The following KLHL14 variants were observed in gnomAD, a reference collection of about 807,000 sequenced individuals.
KLHL14 encodes kelch-like protein 14.
In KLHL14, 22 loss-of-function variants were observed where a neutral mutation model predicts 64.3. The observed-to-expected ratio is 0.34, with a 90% CI of 0.24 to 0.49. KLHL14 has a LOEUF of 0.49. KLHL14 is among the 20% of genes least tolerant of loss of function. The probability of loss-of-function intolerance (pLI) is 0.99; values close to 1 mark genes in which losing one functional copy is unlikely to be tolerated. For synonymous variants in KLHL14, 322 were observed against 333.4 expected (o/e 0.97, Z 0.37); for missense variants, 661 against 789.0 (o/e 0.84, Z 1.94).
rs374076353 is a variant in KLHL14 at position 32,769,938 on chromosome 18, G to C, written c.654C>G (p.Phe218Leu). 2 of 1,614,046 alleles carry C rather than the reference G, an allele frequency of 1.2e-6. No homozygotes were observed. The highest frequency in any genetic ancestry group is 2.7e-5 in the African/African-American group (2 of 74,926). ...YLVEDVLLLN[F>L]EEMRALLDSL... Reference sequence around the variant, plus strand: ...AGTCCAGCAGGGCGCGCATCTCCTCGAAGTTGAGCAGCAGCACATCCTCCA... The same window carrying C: ...AGTCCAGCAGGGCGCGCATCTCCTCCAAGTTGAGCAGCAGCACATCCTCCA... The change falls in exon 2 of 9, where the codon TTC (phenylalanine) becomes TTG (leucine). Residue 218 changes from phenylalanine (F) to leucine (L), a missense_variant. Phe to Leu is a conservative substitution (Grantham distance 22). This residue lies in a region of KLHL14 where 331 missense variants were observed against 339.0 expected (regional missense o/e 0.98). Transcript: ENST00000359358.
At chr18:32,763,807 A>G (rs549613582) in intron 2 of KLHL14, among the ~76,000 whole-genome samples, 1 of 152,338 alleles carries the variant, frequency 6.6e-6, no homozygotes, top group South Asian at 2.1e-4. Context: ...ATAGCAATTT[A>G]CAACGAACTC....
At chr18:32,716,420 CTT>C (rs60090148) in intron 3 of KLHL14, among the ~76,000 whole-genome samples, 1 of 147,382 alleles carries the variant, frequency 6.8e-6, no homozygotes. Context: ...GCTTGCTTGA[CTT>C]TTTTTTTTTG....
At chr18:32,731,548 C>T (rs998439827) in intron 3 of KLHL14, among the ~76,000 whole-genome samples, 2 of 152,004 alleles carry the variant, frequency 1.3e-5, no homozygotes, top group South Asian at 2.1e-4. Flanking sequence ...GAGCTTAATA[C>T]CTGAGTGATG....
chr18:32,725,741 T>G (rs2050104882), intron 3 of KLHL14, among the ~76,000 whole-genome samples: 2 of 152,232 alleles, frequency 1.3e-5, no homozygotes, highest in African/African-American at 4.8e-5. Context: ...AGCATCTGCC[T>G]CTCAAGTTAA....
intron 5 of KLHL14, among the ~76,000 whole-genome samples, chr18:32,684,893 A>G (rs1024058145): frequency 6.6e-6 from 1 of 152,096 alleles, no homozygotes; most frequent in Non-Finnish European, 1.5e-5. Flanking sequence ...GAAAAATTTC[A>G]TTTTAAGTTA....
intron 3 of KLHL14, among the ~76,000 whole-genome samples, chr18:32,739,510 T>C (rs2050184043): frequency 6.6e-6 from 1 of 152,082 alleles, no homozygotes; most frequent in Non-Finnish European, 1.5e-5. Flanking sequence ...ATAAACTATA[T>C]ATTTTTAAGT....
At chr18:32,739,394 A>G (rs1362929391) in intron 3 of KLHL14, among the ~76,000 whole-genome samples, 1 of 152,044 alleles carries the variant, frequency 6.6e-6, no homozygotes, top group Non-Finnish European at 1.5e-5. Flanking sequence ...TCTTAACAAA[A>G]AAAAAAAACC....
chr18:32,721,915 G>A (rs556668582), intron 3 of KLHL14, among the ~76,000 whole-genome samples: 22 of 152,202 alleles, frequency 1.4e-4, no homozygotes, highest in South Asian at 4.2e-4. Flanking sequence ...TTGGCTCAGC[G>A]TCTCCACCCA....
At chr18:32,689,340 C>T (rs927271802) in intron 4 of KLHL14, among the ~76,000 whole-genome samples, 1 of 151,994 alleles carries the variant, frequency 6.6e-6, no homozygotes, top group African/African-American at 2.4e-5. Flanking sequence ...AGAAGCAAAA[C>T]CAACATAGGA....
intron 1 of KLHL14, among the ~76,000 whole-genome samples, chr18:32,771,396 A>C (rs538901681): frequency 6.6e-6 from 1 of 152,214 alleles, no homozygotes; most frequent in Non-Finnish European, 1.5e-5. Context: ...ATTTCCCTCA[A>C]CCTGGCCCTG....
At chr18:32,722,056 T>A (rs1397141375) in intron 3 of KLHL14, among the ~76,000 whole-genome samples, 1 of 152,072 alleles carries the variant, frequency 6.6e-6, no homozygotes, top group African/African-American at 2.4e-5. Context: ...ATCTGATGGT[T>A]TTATAAAAGG....
chr18:32,713,299 C>G (rs893033283), intron 3 of KLHL14, among the ~76,000 whole-genome samples: 2 of 152,180 alleles, frequency 1.3e-5, no homozygotes, highest in Non-Finnish European at 2.9e-5. Context: ...CCAGTGCCCC[C>G]AAACGAACCC....
intron 3 of KLHL14, among the ~76,000 whole-genome samples, chr18:32,736,501 T>C (rs2050166865): frequency 6.6e-6 from 1 of 152,150 alleles, no homozygotes; most frequent in African/African-American, 2.4e-5. Flanking sequence ...TTGTATATAA[T>C]ATTTAGATCC....
chr18:32,705,464 T>C (rs1328956583), intron 3 of KLHL14, among the ~76,000 whole-genome samples: 1 of 152,254 alleles, frequency 6.6e-6, no homozygotes, highest in African/African-American at 2.4e-5. Flanking sequence ...GGCTCATGCC[T>C]GCAATCCCAG....
chr18:32,684,137 T>G (rs8091190), intron 5 of KLHL14, among the ~76,000 whole-genome samples: 6,610 of 152,246 alleles, frequency 0.043, 479 homozygotes, highest in African/African-American at 0.15. Flanking sequence ...ATTTCTACTG[T>G]TCCAAGTTTT....
At chr18:32,749,905 G>A (rs973580353) in intron 2 of KLHL14, among the ~76,000 whole-genome samples, 17 of 152,088 alleles carry the variant, frequency 1.1e-4, no homozygotes, top group Admixed American at 2.6e-4. Flanking sequence ...CATAGACTGC[G>A]TGGCTTGAAC....
At chr18:32,679,807 C>T (rs1297608244) in intron 7 of KLHL14, among the ~76,000 whole-genome samples, 1 of 152,014 alleles carries the variant, frequency 6.6e-6, no homozygotes, top group East Asian at 1.9e-4. Context: ...CAGCAGAAAA[C>T]AATTTTCTGG....
intron 3 of KLHL14, among the ~76,000 whole-genome samples, chr18:32,727,133 T>C (rs2050112162): frequency 1.3e-5 from 2 of 152,246 alleles, no homozygotes; most frequent in Admixed American, 1.3e-4. Flanking sequence ...TGTGAATGAC[T>C]AAATTTTATT....
In KLHL14 at chr18:32,683,890, A is replaced by G. The variant is rs1247779066; in HGVS notation, c.1238+3265T>C. On this transcript the variant is annotated intron_variant, in intron 5 of 8. Transcript: ENST00000359358. This position sits in a 1 kb window ranked among gnomAD's most constrained non-coding sequence, Gnocchi z 4.2. ...TATGTTAGAAAGAATATTGTCTCCCATTGTTTCTTGTAACACAAAATATTA... is the reference window on the plus strand; with the variant it reads ...TATGTTAGAAAGAATATTGTCTCCCGTTGTTTCTTGTAACACAAAATATTA... Among the ~76,000 whole-genome samples, 1 of 152,166 alleles carries G rather than the reference A, an allele frequency of 6.6e-6. No individual in the cohort carries two copies. Among genetic ancestry groups the G allele is most frequent in the Non-Finnish European group, 1.5e-5 (1 of 68,030 alleles).
Sources: allele counts gnomAD v4.1 joint callset (sites outside exome capture counted in the v4.1 genomes callset), GRCh38; gene constraint gnomAD v4.1.1; regional missense constraint gnomAD v4.1.1; non-coding constraint Gnocchi (gnomAD v3.1); transcripts MANE v1.5; gene names NCBI Gene and HGNC (gene_info 2026-07-23, HGNC 2026-07-21).